SLC16A7: variants seen among roughly 807,000 people sequenced by gnomAD.
The protein encoded by SLC16A7 is monocarboxylate transporter 2.
Under a neutral mutation model 34.9 loss-of-function variants are expected in SLC16A7, and 33 were observed. That is an observed-to-expected ratio of 0.94 (90% CI 0.72 to 1.26). The LOEUF (loss-of-function observed/expected upper bound fraction) is 1.26, where lower values mean the gene tolerates loss of function less well. SLC16A7 is among the 50% of genes most tolerant of loss of function. The pLI is 0.00. For synonymous variants in SLC16A7, 201 were observed against 206.6 expected (o/e 0.97, Z 0.23); for missense variants, 573 against 578.1 (o/e 0.99, Z 0.09).
At chr12:59,731,567 T>C (rs552039518) in intron 3 of SLC16A7, among the ~76,000 whole-genome samples, 1 of 152,168 alleles carries the variant, frequency 6.6e-6, no homozygotes, top group Non-Finnish European at 1.5e-5. Flanking sequence ...GCTAAGAACT[T>C]TGAATTTAAA....
chr12:59,777,867 T>A (rs1040066463), intron 5 of SLC16A7, among the ~76,000 whole-genome samples: 14 of 143,500 alleles, frequency 9.8e-5, no homozygotes, highest in Admixed American at 2.2e-4. Context: ...GTGTTCTCAT[T>A]GTTCAATTCC....
At chr12:59,756,111 A>G (rs574828436) in intron 3 of SLC16A7, among the ~76,000 whole-genome samples, 1 of 152,328 alleles carries the variant, frequency 6.6e-6, no homozygotes, top group South Asian at 2.1e-4. Context: ...TTAATTCAAG[A>G]TGGATTAAAG....
chr12:59,625,981 T>C (rs1201900699), intron 1 of SLC16A7, among the ~76,000 whole-genome samples: 1 of 151,850 alleles, frequency 6.6e-6, no homozygotes, highest in Non-Finnish European at 1.5e-5. Flanking sequence ...GACTGAGTTA[T>C]ATTGTGTGTA....
intron 1 of SLC16A7, among the ~76,000 whole-genome samples, chr12:59,615,284 C>T (rs550735740): frequency 6.6e-6 from 1 of 150,736 alleles, no homozygotes; most frequent in Non-Finnish European, 1.5e-5. Flanking sequence ...TATAGCAGCA[C>T]AAACAGACTA....
At position 59,701,646 on chromosome 12, in the gene SLC16A7, C is replaced by T. The variant is rs138127493; in HGVS notation, c.-30-3126C>T. On this transcript the variant is annotated intron_variant, in intron 2 of 5. Coordinates refer to ENST00000547379, the MANE Select transcript of SLC16A7 (RefSeq NM_001270623.2). The stretch of plus-strand genomic sequence containing the variant: ...TTCATAGAATTTATACTAGTGTTGA[C>T]ACCTATTTATTGTGTGAGTCTGCAC... 1.4e-3 allele frequency among the ~76,000 whole-genome samples: 211 copies of T among 151,766 alleles called. 1 individual carries two copies. The highest frequency in any genetic ancestry group is 6.8e-3 in the Middle Eastern group (2 of 294).
chr12:59,710,809 C>A (rs1874139877), intron 3 of SLC16A7, among the ~76,000 whole-genome samples: 1 of 152,114 alleles, frequency 6.6e-6, no homozygotes, highest in East Asian at 1.9e-4. Context: ...GATACAGATA[C>A]CCTAAAGCCT....
chr12:59,683,255 G>A (rs1332358780), intron 2 of SLC16A7, among the ~76,000 whole-genome samples: 2 of 152,074 alleles, frequency 1.3e-5, no homozygotes, highest in Non-Finnish European at 2.9e-5. Flanking sequence ...ATGAAAAATA[G>A]GCAAGAAAGA....
At chr12:59,769,234 C>A (rs768662889) in intron 3 of SLC16A7, 3 of 152,068 alleles carry the variant, frequency 2.0e-5, no homozygotes, top group Non-Finnish European at 4.4e-5. Context: ...GTAAACGTAA[C>A]TTTTATATGC....
intron 3 of SLC16A7, among the ~76,000 whole-genome samples, chr12:59,730,296 G>A (rs1471415202): frequency 2.7e-5 from 4 of 149,322 alleles, no homozygotes; most frequent in East Asian, 2.0e-4. Flanking sequence ...TTCTACTCCC[G>A]TCCACATGGA....
chr12:59,762,068 T>C (rs893154330), intron 3 of SLC16A7, among the ~76,000 whole-genome samples: 1 of 152,126 alleles, frequency 6.6e-6, no homozygotes, highest in Admixed American at 6.6e-5. Context: ...ACTTAAGCTC[T>C]GGCTGAATTG....
chr12:59,751,975 G>A (rs1879638317), intron 3 of SLC16A7, among the ~76,000 whole-genome samples: 2 of 152,158 alleles, frequency 1.3e-5, no homozygotes, highest in Non-Finnish European at 1.5e-5. Flanking sequence ...GCAGCCACCA[G>A]TGCTGGTACC....
At chr12:59,666,116 G>A (rs1869183721) in intron 2 of SLC16A7, among the ~76,000 whole-genome samples, 1 of 152,066 alleles carries the variant, frequency 6.6e-6, no homozygotes, top group Non-Finnish European at 1.5e-5. Context: ...GAGGAACTAG[G>A]TCTAGAGAGG....
Position 59,704,754 on chromosome 12 carries a change from T to G in SLC16A7, c.-30-18T>G, listed in dbSNP as rs1286455551. On this transcript the variant is annotated intron_variant, in intron 2 of 5. Transcript: ENST00000547379. Reference sequence around the variant, plus strand: ...GGGGAAATAAAATTTAAACTGTTATTTCATTATTTTAATATAGGTTACTTG... The same window carrying G: ...GGGGAAATAAAATTTAAACTGTTATGTCATTATTTTAATATAGGTTACTTG... 3.1e-6 allele frequency: 4 copies of G among 1,286,056 alleles called. No individual in the cohort carries two copies. The African/African-American group carries it at 4.5e-5, about 14-fold the overall frequency. The allele number at this position is 1,286,056 out of a possible 1,614,324, so 79.7% of individuals were successfully genotyped here.
chr12:59,643,472 A>C (rs147367011), intron 1 of SLC16A7, among the ~76,000 whole-genome samples: 12 of 152,302 alleles, frequency 7.9e-5, no homozygotes, highest in African/African-American at 2.9e-4. Context: ...TAGGTACTGC[A>C]TATGTAACAT....
intron 2 of SLC16A7, among the ~76,000 whole-genome samples, chr12:59,678,451 G>T (rs1870482189): frequency 7.6e-6 from 1 of 131,282 alleles, no homozygotes; most frequent in South Asian, 2.6e-4. Context: ...TAGCAGAGAG[G>T]ATACCCTGAA....
At position 59,779,655 on chromosome 12, in the gene SLC16A7, C is replaced by A. The variant is rs776517556; in HGVS notation, c.1413C>A (p.Thr471=). The change falls in exon 6 of 6, where the codon ACC becomes ACA. Residue 471 remains threonine, a synonymous_variant. Coordinates refer to ENST00000547379, the MANE Select transcript of SLC16A7 (RefSeq NM_001270623.2). Reference sequence around the variant, plus strand: ...AAGTTTCAAATGCACAGAGTGTAACCTCAGAAAGAGAAACTAACATTTAAC... The same window carrying A: ...AAGTTTCAAATGCACAGAGTGTAACATCAGAAAGAGAAACTAACATTTAAC... ...NVKVSNAQSV[T]SERETNI 1.9e-6 allele frequency: 3 copies of A among 1,609,988 alleles called. No individual in the cohort carries two copies. The South Asian group carries it at 3.3e-5, about 18-fold the overall frequency.
At position 59,774,935 on chromosome 12, in the gene SLC16A7, A is replaced by G. The variant is rs369386570; in HGVS notation, c.640A>G (p.Thr214Ala). ...TSKSKNKTGKTEDDSSPKKIK... is the reference protein window; with the variant it reads ...TSKSKNKTGKAEDDSSPKKIK... ...TAAGTCTAAAAATAAGACTGGCAAAACAGAAGATGATTCAAGCCCAAAGAA... is the reference window on the plus strand; with the variant it reads ...TAAGTCTAAAAATAAGACTGGCAAAGCAGAAGATGATTCAAGCCCAAAGAA... The change falls in exon 5 of 6, where the codon ACA (threonine) becomes GCA (alanine). Residue 214 changes from threonine (T) to alanine (A), a missense_variant. Thr to Ala is a moderately conservative substitution (Grantham distance 58, BLOSUM62 0). Coordinates refer to ENST00000547379, the MANE Select transcript of SLC16A7 (RefSeq NM_001270623.2). The G allele has an allele frequency of 4.4e-5, 71 of 1,613,848 alleles. No individual in the cohort carries two copies. The highest frequency in any genetic ancestry group is 5.8e-5 in the Non-Finnish European group (69 of 1,179,952).
intron 3 of SLC16A7, among the ~76,000 whole-genome samples, chr12:59,737,768 CA>C (rs1339289465): frequency 2.0e-5 from 3 of 152,156 alleles, no homozygotes; most frequent in African/African-American, 4.8e-5. Context: ...GCCCTAGAAG[CA>C]CAGTTAAATT....
At chr12:59,766,250 T>A (rs868547344) in intron 3 of SLC16A7, among the ~76,000 whole-genome samples, 23 of 152,206 alleles carry the variant, frequency 1.5e-4, no homozygotes, top group African/African-American at 5.3e-4. Flanking sequence ...TGGGGTTTTC[T>A]AGATATACAA....
Sources: allele counts gnomAD v4.1 joint callset (sites outside exome capture counted in the v4.1 genomes callset), GRCh38; gene constraint gnomAD v4.1.1; transcripts MANE v1.5; gene names NCBI Gene and HGNC (gene_info 2026-07-23, HGNC 2026-07-21).